The following ILDR2 variants were observed in gnomAD, a reference collection of about 807,000 sequenced individuals.
ILDR2 encodes the protein immunoglobulin like domain containing receptor 2.
Under a neutral mutation model 66.8 loss-of-function variants are expected in ILDR2, and 25 were observed. The observed-to-expected ratio is 0.37, with a 90% CI of 0.27 to 0.52. ILDR2 has a LOEUF of 0.52. Ranked by LOEUF, ILDR2 falls within the 20% of genes least tolerant of loss-of-function variation. The probability of loss-of-function intolerance (pLI) is 0.88; values close to 1 mark genes in which losing one functional copy is unlikely to be tolerated. For missense variants in ILDR2, 827 were observed against 876.8 expected (o/e 0.94, Z 0.72); for synonymous variants, 367 against 357.2 (o/e 1.03, Z -0.31).
At position 166,936,762 on chromosome 1, in the gene ILDR2, A is replaced by G; in HGVS notation, c.557-25T>C. 1 of 1,613,318 alleles carries G rather than the reference A, an allele frequency of 6.2e-7. No individual in the cohort carries two copies. Among genetic ancestry groups the G allele is most frequent in the Non-Finnish European group, 8.5e-7 (1 of 1,179,484 alleles). On this transcript the variant is annotated intron_variant, in intron 4 of 9. Transcript: ENST00000271417. The surrounding 1 kb of genome is among the most constrained non-coding windows in gnomAD (Gnocchi z 5.0). Reference sequence around the variant, plus strand: ...TCTGGAAGGATGCACAAAGAAATCCACACTCGAGGCAGCCCACCTCCAGGG... The same window carrying G: ...TCTGGAAGGATGCACAAAGAAATCCGCACTCGAGGCAGCCCACCTCCAGGG...
Position 166,909,730 on chromosome 1 carries a change from T to C in ILDR2, c.*9625A>G, listed in dbSNP as rs1196240437. The C allele has an allele frequency of 3.0e-5, 3 of 101,582 alleles. No homozygotes were observed. The highest frequency in any genetic ancestry group is 1.4e-4 in the African/African-American group (3 of 21,060). 6.3% of individuals were successfully genotyped at this position (101,582 alleles called of 1,614,324 possible). A position where few individuals can be genotyped will look rare whatever the true frequency, so the allele number is the denominator to read the frequency against. On this transcript the variant is annotated 3_prime_UTR_variant, in exon 10 of 10. Transcript: ENST00000271417. ...ATTGACATATATATGTGTGTGTGTA[T>C]ACATACATATATATATATATATATA...
At chr1:166,968,573 T>C (rs1247084413) in intron 1 of ILDR2, among the ~76,000 whole-genome samples, 1 of 152,190 alleles carries the variant, frequency 6.6e-6, no homozygotes, top group East Asian at 1.9e-4. Flanking sequence ...CCCAATGATT[T>C]GTTTCCTTCC....
chr1:166,924,060 G>A (rs1281393713), intron 7 of ILDR2, among the ~76,000 whole-genome samples: 11 of 152,200 alleles, frequency 7.2e-5, no homozygotes, highest in African/African-American at 2.7e-4. Flanking sequence ...AAAGATGAGG[G>A]AGGGTCTCCC....
intron 1 of ILDR2, among the ~76,000 whole-genome samples, chr1:166,967,520 G>A (rs909457145): frequency 1.3e-5 from 2 of 152,204 alleles, no homozygotes; most frequent in Admixed American, 1.3e-4. Flanking sequence ...ACTTTGGGAG[G>A]CCGAGGCAGG....
At chr1:166,967,166 C>G (rs1663004502) in intron 1 of ILDR2, among the ~76,000 whole-genome samples, 1 of 152,194 alleles carries the variant, frequency 6.6e-6, no homozygotes, top group African/African-American at 2.4e-5. Flanking sequence ...TGTGTAACGT[C>G]TGGGCCACTT....
chr1:166,928,850 C>T (rs1660461854), intron 6 of ILDR2, among the ~76,000 whole-genome samples: 2 of 152,334 alleles, frequency 1.3e-5, no homozygotes, highest in South Asian at 4.1e-4. Flanking sequence ...TAATGAATCT[C>T]AGCACACACT....
intron 7 of ILDR2, among the ~76,000 whole-genome samples, chr1:166,926,846 A>G (rs564317004): frequency 1.3e-4 from 20 of 152,136 alleles, no homozygotes; most frequent in African/African-American, 4.1e-4. Context: ...GAGAAAACCA[A>G]CATAAACCAA....
exon 3 of ILDR2, chr1:166,895,896 C>T (rs1278337975): frequency 6.6e-6 from 1 of 152,070 alleles, no homozygotes; most frequent in Non-Finnish European, 1.5e-5. Flanking sequence ...TTAGCAAGCC[C>T]CGTTTGTTCA....
At chr1:166,933,169 GC>G (rs771790682) in intron 6 of ILDR2, among the ~76,000 whole-genome samples, 6 of 152,210 alleles carry the variant, frequency 3.9e-5, no homozygotes, top group Non-Finnish European at 7.3e-5. Flanking sequence ...AGTTGTTTAG[GC>G]CTAAGAGGTG....
intron 9 of ILDR2, among the ~76,000 whole-genome samples, chr1:166,919,944 TG>T (rs1196197847): frequency 6.6e-6 from 1 of 152,090 alleles, no homozygotes; most frequent in African/African-American, 2.4e-5. Flanking sequence ...CTCCAAAGCA[TG>T]GGGGTCAGAG....
At chr1:166,931,206 GT>G (rs1330965029) in intron 6 of ILDR2, among the ~76,000 whole-genome samples, 1 of 152,136 alleles carries the variant, frequency 6.6e-6, no homozygotes, top group Admixed American at 6.5e-5. Context: ...CCCAATTAAG[GT>G]TTAGGTAGTT....
At chr1:166,896,334 T>C (rs1659165784) in intron 2 of ILDR2, among the ~76,000 whole-genome samples, 1 of 151,952 alleles carries the variant, frequency 6.6e-6, no homozygotes, top group Non-Finnish European at 1.5e-5. Flanking sequence ...GCAGGAGGTA[T>C]GGGATGGCAG....
At chr1:166,897,175 A>G (rs1341017296) in intron 2 of ILDR2, among the ~76,000 whole-genome samples, 1 of 152,210 alleles carries the variant, frequency 6.6e-6, no homozygotes, top group Non-Finnish European at 1.5e-5. Context: ...GGCTATTGCT[A>G]TAGTCCACAT....
In ILDR2 at chr1:166,909,998, T is replaced by C. The variant is rs1659441736; in HGVS notation, c.*9357A>G. 1 of 151,674 alleles carries C rather than the reference T, an allele frequency of 6.6e-6. No individual in the cohort carries two copies. Among genetic ancestry groups the C allele is most frequent in the Non-Finnish European group, 1.5e-5 (1 of 67,968 alleles). The allele number at this position is 151,674 out of a possible 1,614,324, so 9.4% of individuals were successfully genotyped here. On this transcript the variant is annotated 3_prime_UTR_variant, in exon 10 of 10. Transcript: ENST00000271417. ...GGAATTTTCTCCTCTGCTTGGTTTT[T>C]AGAGACAGTGAGAGAGAGAACAAGA...
intron 3 of ILDR2, among the ~76,000 whole-genome samples, chr1:166,949,544 C>T (rs770669979): frequency 6.6e-6 from 1 of 152,162 alleles, no homozygotes; most frequent in Non-Finnish European, 1.5e-5. Context: ...GACTCCACTC[C>T]ATGGTGCCTA....
intron 7 of ILDR2, among the ~76,000 whole-genome samples, chr1:166,926,647 G>A (rs574367691): frequency 4.3e-4 from 65 of 151,280 alleles, no homozygotes; most frequent in African/African-American, 1.5e-3. Context: ...ATATTTTAAA[G>A]GGAGTAGAAG....
At chr1:166,964,133 T>C (rs1369866751) in intron 1 of ILDR2, among the ~76,000 whole-genome samples, 1 of 122,914 alleles carries the variant, frequency 8.1e-6, no homozygotes, top group Non-Finnish European at 1.7e-5. Context: ...CTTCTAAATC[T>C]AAAAATAAAA....
Position 166,936,292 on chromosome 1 carries a change from A to G in ILDR2, c.703+299T>C, listed in dbSNP as rs1371845616. Among the ~76,000 whole-genome samples the G allele has an allele frequency of 2.0e-5, 3 of 152,192 alleles. No individual in the cohort carries two copies. In the East Asian group the frequency reaches 5.8e-4, roughly 29 times the overall value. ...CCCCAGGGAGAGGGAACAGTCTTAC[A>G]CCACAACCTCACCACGCCAAACCTG... On this transcript the variant is annotated intron_variant, in intron 5 of 9. Transcript: ENST00000271417. The surrounding 1 kb of genome is among the most constrained non-coding windows in gnomAD (Gnocchi z 5.0).
rs1471110329 is a variant in ILDR2 at position 166,909,993 on chromosome 1, G to A, written c.*9362C>T. 1.3e-5 allele frequency: 2 copies of A among 151,418 alleles called. No individual in the cohort carries two copies. The highest frequency in any genetic ancestry group is 2.9e-5 in the Non-Finnish European group (2 of 67,918). 9.4% of individuals were successfully genotyped at this position (151,418 alleles called of 1,614,324 possible). A position where few individuals can be genotyped will look rare whatever the true frequency, so the allele number is the denominator to read the frequency against. On this transcript the variant is annotated 3_prime_UTR_variant, in exon 10 of 10. Coordinates refer to ENST00000271417, the MANE Select transcript of ILDR2 (RefSeq NM_199351.3). ...TGTCTGGAATTTTCTCCTCTGCTTG[G>A]TTTTTAGAGACAGTGAGAGAGAGAA...
Sources: allele counts gnomAD v4.1 joint callset (sites outside exome capture counted in the v4.1 genomes callset), GRCh38; gene constraint gnomAD v4.1.1; non-coding constraint Gnocchi (gnomAD v3.1); transcripts MANE v1.5; gene names NCBI Gene and HGNC (gene_info 2026-07-23, HGNC 2026-07-21).